SLC4A10: variants seen among roughly 807,000 people sequenced by gnomAD.
SLC4A10 encodes solute carrier family 4 member 10.
SLC4A10 carries 42 observed loss-of-function variants against 137.7 expected under a neutral mutation model. That is an observed-to-expected ratio of 0.30 (90% CI 0.24 to 0.39). The LOEUF (loss-of-function observed/expected upper bound fraction) is 0.39. SLC4A10 is among the 10% of genes least tolerant of loss of function. The pLI, the probability that SLC4A10 is intolerant of heterozygous loss-of-function variation, is 1.00. For synonymous variants in SLC4A10, 474 were observed against 464.1 expected (o/e 1.02, Z -0.27); for missense variants, 925 against 1,355.0 (o/e 0.68, Z 4.98).
rs2046835668 is a variant in SLC4A10 at position 161,731,676 on chromosome 2, A to G, written c.49-39297A>G. On this transcript the variant is annotated intron_variant, in intron 1 of 26. Coordinates refer to ENST00000446997, the MANE Select transcript of SLC4A10 (RefSeq NM_001178015.2). ...GTGAATAGGTGTCAAGAGATCTAAT[A>G]TGATGAATGGAATGAATCAGTCCTA... Among the ~76,000 whole-genome samples the G allele has an allele frequency of 3.9e-5, 6 of 152,298 alleles. No homozygotes were observed. The South Asian group carries it at 1.2e-3, about 32-fold the overall frequency.
chr2:161,853,117 C>A (rs913790772), intron 4 of SLC4A10, among the ~76,000 whole-genome samples: 14 of 152,050 alleles, frequency 9.2e-5, no homozygotes, highest in African/African-American at 3.4e-4. Flanking sequence ...TTTACTTTCA[C>A]CATTAATTCT....
chr2:161,796,030 C>A (rs2054737422), intron 2 of SLC4A10, among the ~76,000 whole-genome samples: 1 of 152,056 alleles, frequency 6.6e-6, no homozygotes, highest in Non-Finnish European at 1.5e-5. Context: ...CTTTCTGATT[C>A]TTGGTTCTTA....
chr2:161,923,852 C>G (rs997379614), intron 15 of SLC4A10, among the ~76,000 whole-genome samples: 1 of 151,994 alleles, frequency 6.6e-6, no homozygotes, highest in African/African-American at 2.4e-5. Flanking sequence ...AAAATAACCC[C>G]ATGAGGTTGA....
intron 10 of SLC4A10, among the ~76,000 whole-genome samples, chr2:161,885,483 T>C (rs1360539145): frequency 6.6e-6 from 1 of 152,210 alleles, no homozygotes; most frequent in Admixed American, 6.5e-5. Flanking sequence ...TTTTGTATTT[T>C]TAGACTTATT....
intron 1 of SLC4A10, among the ~76,000 whole-genome samples, chr2:161,640,655 TCC>T (rs1553470346): frequency 3.7e-5 from 2 of 53,940 alleles, no homozygotes; most frequent in Non-Finnish European, 5.1e-5. Context: ...CTTCCTTCCT[TCC>T]TTCTTTCTTT....
intron 24 of SLC4A10, among the ~76,000 whole-genome samples, chr2:161,975,606 G>A (rs1238092970): frequency 1.3e-5 from 2 of 152,098 alleles, no homozygotes; most frequent in East Asian, 3.9e-4. Flanking sequence ...CAGCTGGAGG[G>A]TTTAGAGGAA....
intron 1 of SLC4A10, among the ~76,000 whole-genome samples, chr2:161,701,636 T>C (rs1278992176): frequency 6.6e-6 from 1 of 151,988 alleles, no homozygotes; most frequent in East Asian, 1.9e-4. Flanking sequence ...TTGTTGACTA[T>C]AATCTCCCTA....
chr2:161,647,931 TG>T, intron 1 of SLC4A10, among the ~76,000 whole-genome samples: 1 of 152,334 alleles, frequency 6.6e-6, no homozygotes. Context: ...CCCGATTAAA[TG>T]GCATGATGGC....
At chr2:161,749,691 A>G (rs2048753741) in intron 1 of SLC4A10, among the ~76,000 whole-genome samples, 1 of 151,764 alleles carries the variant, frequency 6.6e-6, no homozygotes, top group South Asian at 2.1e-4. Flanking sequence ...CTGCATGTAT[A>G]TTCATCCAAG....
chr2:161,649,352 C>T (rs1222290101), intron 1 of SLC4A10, among the ~76,000 whole-genome samples: 1 of 152,102 alleles, frequency 6.6e-6, no homozygotes, highest in African/African-American at 2.4e-5. Flanking sequence ...CAGAGCCAGA[C>T]CTTGTCTCGA....
intron 15 of SLC4A10, among the ~76,000 whole-genome samples, chr2:161,911,818 T>TC (rs543542311): frequency 2.1e-4 from 32 of 152,056 alleles, no homozygotes; most frequent in Middle Eastern, 6.8e-3. Flanking sequence ...ACATATAGTT[T>TC]CCCCCCTAAA....
chr2:161,650,383 C>T (rs2036620552), intron 1 of SLC4A10, among the ~76,000 whole-genome samples: 1 of 152,256 alleles, frequency 6.6e-6, no homozygotes, highest in African/African-American at 2.4e-5. Context: ...TCTGGAGAAG[C>T]TGCTGCAGGA....
intron 1 of SLC4A10, among the ~76,000 whole-genome samples, chr2:161,658,873 G>A (rs1349017323): frequency 6.6e-6 from 1 of 152,052 alleles, no homozygotes; most frequent in Admixed American, 6.6e-5. Context: ...TTACAGGCAT[G>A]AGCCACCGAG....
intron 22 of SLC4A10, among the ~76,000 whole-genome samples, chr2:161,964,672 A>G (rs1575883576): frequency 6.6e-6 from 1 of 152,180 alleles, no homozygotes; most frequent in Non-Finnish European, 1.5e-5. Flanking sequence ...TTCAAAAACT[A>G]TAGTGAATTT....
chr2:161,690,590 A>G (rs1253415466), intron 1 of SLC4A10, among the ~76,000 whole-genome samples: 5 of 152,208 alleles, frequency 3.3e-5, no homozygotes, highest in African/African-American at 1.2e-4. Flanking sequence ...TGGTACATAT[A>G]TACCCTGGAA....
At chr2:161,754,410 T>G (rs1468710761) in intron 1 of SLC4A10, among the ~76,000 whole-genome samples, 1 of 152,196 alleles carries the variant, frequency 6.6e-6, no homozygotes, top group Non-Finnish European at 1.5e-5. Context: ...TTAATTTTTT[T>G]GGGCTGCTAG....
At chr2:161,897,424 A>G (rs1575526862) in intron 11 of SLC4A10, among the ~76,000 whole-genome samples, 2 of 152,068 alleles carry the variant, frequency 1.3e-5, no homozygotes, top group South Asian at 4.1e-4. Context: ...GAAGCGGCAG[A>G]TGGTCTAATT....
At chr2:161,939,054 T>C (rs1220486345) in intron 15 of SLC4A10, among the ~76,000 whole-genome samples, 1 of 152,150 alleles carries the variant, frequency 6.6e-6, no homozygotes, top group African/African-American at 2.4e-5. Context: ...TTTGCTCTTA[T>C]AAATATGGAT....
At chr2:161,669,804 A>G (rs992556759) in intron 1 of SLC4A10, among the ~76,000 whole-genome samples, 4 of 152,050 alleles carry the variant, frequency 2.6e-5, no homozygotes, top group African/African-American at 9.7e-5. Context: ...ATTATTTAGA[A>G]TACCAATCCA....
Sources: gnomAD v4.1 joint callset for allele counts (sites outside exome capture counted in the v4.1 genomes callset) on GRCh38, gnomAD v4.1.1 for gene constraint, MANE v1.5 for transcripts, NCBI Gene and HGNC (gene_info 2026-07-23, HGNC 2026-07-21) for gene names.